Variants in FAM204A observed in about 807,000 individuals in gnomAD.
FAM204A encodes family with sequence similarity 204 member A.
In FAM204A, 16 loss-of-function variants were observed where a neutral mutation model predicts 35.4. The ratio of observed to expected loss-of-function variants is 0.45; its 90% confidence interval spans 0.31 to 0.69. The LOEUF is 0.69. FAM204A is among the 30% of genes least tolerant of loss of function. The pLI is 0.07. For missense variants in FAM204A, 240 were observed against 265.7 expected, an observed-to-expected ratio of 0.90 and a Z score of 0.67; for synonymous variants, 76 against 86.9, an observed-to-expected ratio of 0.88 and a Z score of 0.70.
In FAM204A at chr10:118,308,231, A is replaced by C. The variant is rs186848976; in HGVS notation, c.*2626T>G. 4 of 152,360 alleles carry C rather than the reference A, an allele frequency of 2.6e-5. No individual in the cohort carries two copies. The East Asian group carries it at 7.7e-4, about 29-fold the overall frequency. 9.4% of individuals were successfully genotyped at this position (152,360 alleles called of 1,614,324 possible). A position where few individuals can be genotyped will look rare whatever the true frequency, so the allele number is the denominator to read the frequency against. ...CATACCAACGGCCTGAAACATATTA[A>C]TCTCAGTTAACAATAACTGACGTTT... On this transcript the variant is annotated 3_prime_UTR_variant, in exon 9 of 9. Transcript: ENST00000369183.
At position 118,300,340 on chromosome 10, in the gene FAM204A, T is replaced by C. The variant is rs367873600; in HGVS notation, c.*10517A>G. On this transcript the variant is annotated 3_prime_UTR_variant, in exon 9 of 9. Coordinates refer to ENST00000369183, the MANE Select transcript of FAM204A (RefSeq NM_022063.3). ...CTGAGGATGATTTAATGCAGAAATA[T>C]CTTGAAAGAAAAGATGAAAGGACGT... 4 of 152,176 alleles carry C rather than the reference T, an allele frequency of 2.6e-5. No homozygotes were observed. In the East Asian group the frequency reaches 5.8e-4, roughly 22 times the overall value. 9.4% of individuals were successfully genotyped at this position (152,176 alleles called of 1,614,324 possible). A position where few individuals can be genotyped will look rare whatever the true frequency, so the allele number is the denominator to read the frequency against.
At chr10:118,319,933 T>C (rs1846086056) in intron 7 of FAM204A, among the ~76,000 whole-genome samples, 3 of 151,972 alleles carry the variant, frequency 2.0e-5, no homozygotes, top group Non-Finnish European at 2.9e-5. Context: ...GGATAATCTT[T>C]AAGGGCATAA....
In FAM204A at chr10:118,308,681, G is replaced by A. The variant is rs907531311; in HGVS notation, c.*2176C>T. 1.3e-5 allele frequency: 2 copies of A among 152,426 alleles called. No homozygotes were observed. Among genetic ancestry groups the A allele is most frequent in the Non-Finnish European group, 2.9e-5 (2 of 68,162 alleles). The allele number at this position is 152,426 out of a possible 1,614,324, so 9.4% of individuals were successfully genotyped here. A position where few individuals can be genotyped will look rare whatever the true frequency, so the allele number is the denominator to read the frequency against. On this transcript the variant is annotated 3_prime_UTR_variant, in exon 9 of 9. Coordinates refer to ENST00000369183, the MANE Select transcript of FAM204A (RefSeq NM_022063.3). ...TGCTGAAATGCCTGCCTTCCGCGTA[G>A]TTAAAATGTTCCCATCTACATGAGA...
In FAM204A at chr10:118,332,173, G is replaced by GA. The variant is rs59564428; in HGVS notation, c.453+2940dup. 2.6e-4 allele frequency among the ~76,000 whole-genome samples: 14 copies of GA among 54,162 alleles called. 1 individual carries two copies. The highest frequency in any genetic ancestry group is 1.4e-3 in the South Asian group (1 of 712). The allele number at this position is 54,162 out of a possible 152,430, so 35.5% of individuals were successfully genotyped here. ...GGCAACAGAGCAAGACTCTGTTTCA[G>GA]AAAAAAAAAAAAAAAATCATATGAG... is the stretch of plus-strand genomic sequence containing the variant. On this transcript the variant is annotated intron_variant, in intron 6 of 8. Coordinates refer to ENST00000369183, the MANE Select transcript of FAM204A (RefSeq NM_022063.3).
Position 118,305,992 on chromosome 10 carries a change from G to A in FAM204A, c.*4865C>T, listed in dbSNP as rs1260164542. On this transcript the variant is annotated 3_prime_UTR_variant, in exon 9 of 9. Transcript: ENST00000369183. ...GACACATTCAGCCTGAAGATGAAGTGATATATTGACTTCTTGATCAAATGC... is the reference window on the plus strand; with the variant it reads ...GACACATTCAGCCTGAAGATGAAGTAATATATTGACTTCTTGATCAAATGC... The A allele has an allele frequency of 6.6e-6, 1 of 152,214 alleles. No individual in the cohort carries two copies. The highest frequency in any genetic ancestry group is 2.4e-5 in the African/African-American group (1 of 41,448). The allele number at this position is 152,214 out of a possible 1,614,324, so 9.4% of individuals were successfully genotyped here.
intron 2 of FAM204A, chr10:118,337,325 C>T (rs1460285298): frequency 4.4e-6 from 3 of 683,734 alleles, no homozygotes; most frequent in Non-Finnish European, 5.4e-6. Context: ...GGTTGTACTG[C>T]TCATGATTTA....
rs928682686 is a variant in FAM204A at position 118,307,024 on chromosome 10, T to C, written c.*3833A>G. ...AAAAATGGACCTTATTGTCTCAGTA[T>C]CCTACAAAGGCCAAGAATATATATT... On this transcript the variant is annotated 3_prime_UTR_variant, in exon 9 of 9. Coordinates refer to ENST00000369183, the MANE Select transcript of FAM204A (RefSeq NM_022063.3). 2 of 152,230 alleles carry C rather than the reference T, an allele frequency of 1.3e-5. 1 individual carries two copies. Among genetic ancestry groups the C allele is most frequent in the Non-Finnish European group, 2.9e-5 (2 of 68,038 alleles). 9.4% of individuals were successfully genotyped at this position (152,230 alleles called of 1,614,324 possible). A position where few individuals can be genotyped will look rare whatever the true frequency, so the allele number is the denominator to read the frequency against.
intron 8 of FAM204A, 139 bp downstream of exon 8, chr10:118,311,068 T>C: frequency 1.9e-6 from 2 of 1,028,466 alleles, no homozygotes; most frequent in Non-Finnish European, 2.9e-6. Context: ...TGCCTCTATA[T>C]TTATAATCTG....
At position 118,301,831 on chromosome 10, in the gene FAM204A, A is replaced by G. The variant is rs1845810462; in HGVS notation, c.*9026T>C. The G allele has an allele frequency of 6.6e-6, 1 of 152,226 alleles. No homozygotes were observed. The highest frequency in any genetic ancestry group is 1.5e-5 in the Non-Finnish European group (1 of 68,042). 9.4% of individuals were successfully genotyped at this position (152,226 alleles called of 1,614,324 possible). ...GATTAAGTAGCCTGCCGGAGGTTACACAGCTTGTAAGTAGCAGAGCTGGGA... is the reference window on the plus strand; with the variant it reads ...GATTAAGTAGCCTGCCGGAGGTTACGCAGCTTGTAAGTAGCAGAGCTGGGA... On this transcript the variant is annotated 3_prime_UTR_variant, in exon 9 of 9. Transcript: ENST00000369183.
intron 2 of FAM204A, among the ~76,000 whole-genome samples, chr10:118,336,689 T>C (rs939284525): frequency 6.6e-6 from 1 of 152,024 alleles, no homozygotes; most frequent in South Asian, 2.1e-4. Context: ...GTAAAGAAAA[T>C]AGAGCCTTGA....
intron 7 of FAM204A, among the ~76,000 whole-genome samples, chr10:118,321,724 C>A (rs376437381): frequency 0.011 from 967 of 86,846 alleles, no homozygotes; most frequent in East Asian, 0.013. Flanking sequence ...TATGACAAAG[C>A]AAAAAAAAAA....
rs890274812 is a variant in FAM204A, at chr10:118,299,433, C to T, written c.*11424G>A. 8.2e-6 allele frequency: 1 copy of T among 122,360 alleles called. No individual in the cohort carries two copies. The highest frequency in any genetic ancestry group is 1.6e-5 in the Non-Finnish European group (1 of 60,922). 7.6% of individuals were successfully genotyped at this position (122,360 alleles called of 1,614,324 possible). ...TTTTTTGAGACAGGGTCAGGCTGGA[C>T]TGCAGTGGTGCGATCACGGCTCACT... On this transcript the variant is annotated 3_prime_UTR_variant, in exon 9 of 9. Coordinates refer to ENST00000369183, the MANE Select transcript of FAM204A (RefSeq NM_022063.3).
chr10:118,321,897 G>A (rs1318556656), intron 7 of FAM204A, among the ~76,000 whole-genome samples: 2 of 152,036 alleles, frequency 1.3e-5, no homozygotes, highest in African/African-American at 4.8e-5. Flanking sequence ...ATATGCAACC[G>A]CTGGTGGGCA....
intron 7 of FAM204A, among the ~76,000 whole-genome samples, chr10:118,312,927 G>A (rs373736442): frequency 6.6e-6 from 1 of 152,120 alleles, no homozygotes; most frequent in South Asian, 2.1e-4. Context: ...AGTTACATTT[G>A]ACTGCTTTAG....
chr10:118,335,759 T>C (rs1846374082), intron 3 of FAM204A, 118 bp from the exon 4 acceptor site: 9 of 771,278 alleles, frequency 1.2e-5, no homozygotes, highest in South Asian at 1.9e-5. Context: ...ACCAATTTAA[T>C]GATGGTAGTC....
In FAM204A at chr10:118,309,176, T is replaced by C. The variant is rs1420887534; in HGVS notation, c.*1681A>G. 1 of 152,190 alleles carries C rather than the reference T, an allele frequency of 6.6e-6. No individual in the cohort carries two copies. The highest frequency in any genetic ancestry group is 1.5e-5 in the Non-Finnish European group (1 of 68,026). 9.4% of individuals were successfully genotyped at this position (152,190 alleles called of 1,614,324 possible). A position where few individuals can be genotyped will look rare whatever the true frequency, so the allele number is the denominator to read the frequency against. Reference sequence around the variant, plus strand: ...GATATTAAATCATAAAATAAGACTTTCCAACATTTGGTCTGGATACTGAAT... The same window carrying C: ...GATATTAAATCATAAAATAAGACTTCCCAACATTTGGTCTGGATACTGAAT... On this transcript the variant is annotated 3_prime_UTR_variant, in exon 9 of 9. Transcript: ENST00000369183.
At chr10:118,312,406 G>A (rs924030086) in intron 7 of FAM204A, among the ~76,000 whole-genome samples, 9 of 152,188 alleles carry the variant, frequency 5.9e-5, no homozygotes, top group African/African-American at 1.9e-4. Context: ...GGCATGGCAG[G>A]AGGTTAAGAG....
At position 118,298,725 on chromosome 10, in the gene FAM204A, C is replaced by T. The variant is rs575338769; in HGVS notation, c.*12132G>A. 2 of 152,284 alleles carry T rather than the reference C, an allele frequency of 1.3e-5. No individual in the cohort carries two copies. The highest frequency in any genetic ancestry group is 1.9e-4 in the East Asian group (1 of 5,182). 9.4% of individuals were successfully genotyped at this position (152,284 alleles called of 1,614,324 possible). ...TTTTTGGCACTAGGAAACATGAGGA[C>T]CAGTGATGAAATGTCTGGGGAAGAG... On this transcript the variant is annotated 3_prime_UTR_variant, in exon 9 of 9. Coordinates refer to ENST00000369183, the MANE Select transcript of FAM204A (RefSeq NM_022063.3).
Position 118,301,874 on chromosome 10 carries a change from T to C in FAM204A, c.*8983A>G, listed in dbSNP as rs1338315562. The C allele has an allele frequency of 1.3e-5, 2 of 152,316 alleles. No individual in the cohort carries two copies. 9.4% of individuals were successfully genotyped at this position (152,316 alleles called of 1,614,324 possible). ...AGCTGGGATTCAAATCTGGCTTGCT[T>C]CATAGTCCAGGGTGTAGCAGTTTCA... On this transcript the variant is annotated 3_prime_UTR_variant, in exon 9 of 9. Coordinates refer to ENST00000369183, the MANE Select transcript of FAM204A (RefSeq NM_022063.3).
Sources: gnomAD v4.1 joint callset for allele counts (sites outside exome capture counted in the v4.1 genomes callset) on GRCh38, gnomAD v4.1.1 for gene constraint, MANE v1.5 for transcripts, NCBI Gene and HGNC (gene_info 2026-07-23, HGNC 2026-07-21) for gene names.